The following NFASC variants were observed in gnomAD, a reference collection of about 807,000 sequenced individuals.
NFASC encodes the protein neurofascin, also known as neurofascin homolog.
In NFASC, 43 loss-of-function variants were observed where a neutral mutation model predicts 147.5. The observed-to-expected ratio is 0.29, with a 90% CI of 0.23 to 0.38. The LOEUF is 0.38. NFASC is among the 10% of genes least tolerant of loss of function. The pLI, the probability that NFASC is intolerant of heterozygous loss-of-function variation, is 1.00. For missense variants in NFASC, 1,320 were observed against 1,689.0 expected (o/e 0.78, Z 3.83); for synonymous variants, 622 against 665.5 (o/e 0.93, Z 1.01).
At chr1:204,918,973 T>A (rs2089901887) in intron 1 of NFASC, among the ~76,000 whole-genome samples, 2 of 152,198 alleles carry the variant, frequency 1.3e-5, no homozygotes. Flanking sequence ...CTGTTCAAAG[T>A]CCAACTTCTG....
At chr1:204,938,223 G>T (rs1428710105) in intron 2 of NFASC, among the ~76,000 whole-genome samples, 1 of 152,174 alleles carries the variant, frequency 6.6e-6, no homozygotes, top group Non-Finnish European at 1.5e-5. Context: ...GGGCCCAGAA[G>T]AAAAGGAAAA....
rs546425233 is a variant in NFASC at position 204,968,723 on chromosome 1, G to T, written c.819-75G>T. The T allele has an allele frequency of 1.6e-5, 22 of 1,388,216 alleles. No individual in the cohort carries two copies. In the East Asian group the frequency reaches 5.3e-4, roughly 34 times the overall value. 86.0% of individuals were successfully genotyped at this position (1,388,216 alleles called of 1,614,324 possible). A position where few individuals can be genotyped will look rare whatever the true frequency, so the allele number is the denominator to read the frequency against. ...CCAAGTATACTTTTAGGCCACCTGGGTGTCCCCAGCTGTATAGAAGAGGAG... is the reference window on the plus strand; with the variant it reads ...CCAAGTATACTTTTAGGCCACCTGGTTGTCCCCAGCTGTATAGAAGAGGAG... On this transcript the variant is annotated intron_variant, in intron 9 of 29. Coordinates refer to ENST00000339876, the MANE Select transcript of NFASC (RefSeq NM_001005388.3). This position sits in a 1 kb window ranked among gnomAD's most constrained non-coding sequence, Gnocchi z 5.4.
chr1:204,892,979 A>G (rs1181660280), intron 1 of NFASC, among the ~76,000 whole-genome samples: 1 of 152,244 alleles, frequency 6.6e-6, no homozygotes, highest in Non-Finnish European at 1.5e-5. Flanking sequence ...CTCAAGATGA[A>G]TGTTGTTAGG....
Position 204,968,271 on chromosome 1 carries a change from A to C in NFASC, c.729A>C (p.Thr243=). Residue 243 remains threonine (T), a synonymous_variant, in exon 9 of 30, where the codon ACA becomes ACC. Coordinates refer to ENST00000339876, the MANE Select transcript of NFASC (RefSeq NM_001005388.3). This position sits in a 1 kb window ranked among gnomAD's most constrained non-coding sequence, Gnocchi z 5.4. ...VLTTRGVAER[T]PSFMYPQGTA... is the part of the protein sequence containing the mutation. Reference sequence around the variant, plus strand: ...CAGCCCGAGGAGTTGCAGAAAGAACACCAAGCTTCATGTATCCCCAGGGCA... The same window carrying C: ...CAGCCCGAGGAGTTGCAGAAAGAACCCCAAGCTTCATGTATCCCCAGGGCA... The C allele has an allele frequency of 6.2e-7, 1 of 1,614,082 alleles. No homozygotes were observed. Among genetic ancestry groups the C allele is most frequent in the Non-Finnish European group, 8.5e-7 (1 of 1,179,970 alleles).
intron 1 of NFASC, among the ~76,000 whole-genome samples, chr1:204,919,759 G>T (rs1364821754): frequency 1.3e-5 from 2 of 152,064 alleles, no homozygotes; most frequent in Non-Finnish European, 2.9e-5. Flanking sequence ...CTCCCGACTA[G>T]CTGGGACTAC....
chr1:204,968,428 C>A lies in NFASC; in HGVS notation c.818+68C>A. On this transcript the variant is annotated intron_variant, in intron 9 of 29. Coordinates refer to ENST00000339876, the MANE Select transcript of NFASC (RefSeq NM_001005388.3). The surrounding 1 kb of genome is among the most constrained non-coding windows in gnomAD (Gnocchi z 5.4). The stretch of plus-strand genomic sequence containing the variant: ...GGATGGGGATGGGAGCTTGTTCATG[C>A]TCTTGTTAATGCCACATTTAGTGCA... 1.7e-6 allele frequency: 2 copies of A among 1,210,006 alleles called. No individual in the cohort carries two copies. Among genetic ancestry groups the A allele is most frequent in the Non-Finnish European group, 1.2e-6 (1 of 817,662 alleles). 75.0% of individuals were successfully genotyped at this position (1,210,006 alleles called of 1,614,324 possible).
intron 25 of NFASC, chr1:204,998,787 A>T (rs2095906932): frequency 6.6e-6 from 1 of 152,246 alleles, no homozygotes; most frequent in Non-Finnish European, 1.5e-5. Context: ...AGATGAACCA[A>T]AAATGAAGAA....
chr1:204,919,844 C>T (rs1464228269), intron 1 of NFASC, among the ~76,000 whole-genome samples: 1 of 152,164 alleles, frequency 6.6e-6, no homozygotes, highest in Non-Finnish European at 1.5e-5. Flanking sequence ...ATCTCAAACT[C>T]CTGACCTTAA....
intron 1 of NFASC, chr1:204,870,572 G>A (rs896384117): frequency 2.1e-5 from 15 of 714,182 alleles, no homozygotes; most frequent in Admixed American, 5.8e-5. Flanking sequence ...AGCCTGGCCC[G>A]GCCTGGTACG....
rs1351404749 is a variant in NFASC, at chr1:204,977,722, A to C, written c.1873A>C (p.Lys625Gln). The change falls in exon 17 of 30, where the codon AAA becomes CAA. Residue 625 changes from lysine (K) to glutamine (Q), a missense_variant. Physicochemically the swap from Lys to Gln is moderately conservative, Grantham distance 53. Around this residue, in one of 3 missense-constraint regions of NFASC, gnomAD observed 981 missense variants for 1,289.5 expected, o/e 0.76. Transcript: ENST00000339876. ...AACTAACCGTTTGGCTGCCCTGCCCAAAGGTAATTCCCACTAATCACAGTC... is the reference window on the plus strand; with the variant it reads ...AACTAACCGTTTGGCTGCCCTGCCCCAAGGTAATTCCCACTAATCACAGTC... The part of the protein sequence containing the change: ...TPTNRLAALP[K>Q]GRPDRPRDLE... 2 of 1,609,192 alleles carry C rather than the reference A, an allele frequency of 1.2e-6. No homozygotes were observed. The highest frequency in any genetic ancestry group is 1.3e-5 in the African/African-American group (1 of 74,896).
intron 2 of NFASC, among the ~76,000 whole-genome samples, chr1:204,926,576 G>C (rs1389899787): frequency 2.0e-5 from 3 of 149,868 alleles, no homozygotes; most frequent in African/African-American, 7.4e-5. Flanking sequence ...ACCATGCCCG[G>C]CTAATTTTTG....
rs776720831 is a variant in NFASC, at chr1:204,952,122, T to C, written c.215+6T>C. ...AAAGGGAACCCTGCCCCCAGGTGAGTGAAGGGGAAAAAGAGTGCATTGAAA... is the reference window on the plus strand; with the variant it reads ...AAAGGGAACCCTGCCCCCAGGTGAGCGAAGGGGAAAAAGAGTGCATTGAAA... On this transcript the variant is annotated splice_donor_region_variant and intron_variant, in intron 5 of 29. Transcript: ENST00000339876. 16 of 1,606,162 alleles carry C rather than the reference T, an allele frequency of 1.0e-5. No homozygotes were observed. The highest frequency in any genetic ancestry group is 1.4e-5 in the Non-Finnish European group (16 of 1,173,184).
At chr1:205,014,951 C>T (rs962132300) in intron 29 of NFASC, among the ~76,000 whole-genome samples, 1 of 152,162 alleles carries the variant, frequency 6.6e-6, no homozygotes, top group Non-Finnish European at 1.5e-5. Flanking sequence ...CTCAGCACAG[C>T]CCCAGAGAGC....
chr1:204,993,712 A>G (rs746707842), intron 24 of NFASC: 1 of 509,250 alleles, frequency 2.0e-6, no homozygotes, highest in South Asian at 1.4e-5. Context: ...ACTGGCCAGG[A>G]TTGCTTCCAA....
At chr1:204,870,958 A>G in intron 1 of NFASC, 1 of 1,278,648 alleles carries the variant, frequency 7.8e-7, no homozygotes, top group Non-Finnish European at 1.0e-6. Flanking sequence ...TAAGTCTGCC[A>G]GCTGGGATGG....
intron 1 of NFASC, among the ~76,000 whole-genome samples, chr1:204,901,560 G>A (rs1219963180): frequency 1.3e-5 from 2 of 152,138 alleles, no homozygotes; most frequent in African/African-American, 2.4e-5. Context: ...TGATTGAGTT[G>A]TGGTGGGGGA....
At chr1:205,003,196 C>G (rs1250249017) in intron 27 of NFASC, among the ~76,000 whole-genome samples, 1 of 152,186 alleles carries the variant, frequency 6.6e-6, no homozygotes, top group Non-Finnish European at 1.5e-5. Context: ...TCCAGGAGAT[C>G]AGTGCATTTG....
At chr1:204,842,906 C>T (rs1346898728) in intron 1 of NFASC, among the ~76,000 whole-genome samples, 1 of 152,134 alleles carries the variant, frequency 6.6e-6, no homozygotes, top group East Asian at 1.9e-4. Flanking sequence ...AGTTGTCTGC[C>T]ATTGGTGTGG....
In NFASC at chr1:204,997,458, G is replaced by A. The variant is rs748578668; in HGVS notation, c.3019+52G>A. On this transcript the variant is annotated intron_variant, in intron 25 of 29. Coordinates refer to ENST00000339876, the MANE Select transcript of NFASC (RefSeq NM_001005388.3). Reference sequence around the variant, plus strand: ...TCCCCTCCTGGCCCGCCTCCCCAGCGGCCTCCAGACGAACCCACAGGCTCC... The same window carrying A: ...TCCCCTCCTGGCCCGCCTCCCCAGCAGCCTCCAGACGAACCCACAGGCTCC... 42 of 1,549,384 alleles carry A rather than the reference G, an allele frequency of 2.7e-5. 1 individual carries two copies. Among genetic ancestry groups the A allele is most frequent in the South Asian group, 1.4e-4 (12 of 84,002 alleles).
Sources: gnomAD v4.1 joint callset for allele counts (sites outside exome capture counted in the v4.1 genomes callset) on GRCh38, gnomAD v4.1.1 for gene constraint, gnomAD v4.1.1 regional missense constraint, Gnocchi (gnomAD v3.1) non-coding constraint, MANE v1.5 for transcripts, NCBI Gene and HGNC (gene_info 2026-07-23, HGNC 2026-07-21) for gene names.